Variants in XKR4 observed in about 807,000 individuals in gnomAD.
XKR4 encodes the protein XK related 4.
In XKR4, 12 loss-of-function variants were observed where a neutral mutation model predicts 53.9. That is an observed-to-expected ratio of 0.22 (90% CI 0.14 to 0.36). The LOEUF (loss-of-function observed/expected upper bound fraction) is 0.36. XKR4 is among the 10% of genes least tolerant of loss of function. The probability of loss-of-function intolerance (pLI) is 1.00; values close to 1 mark genes in which losing one functional copy is unlikely to be tolerated. For missense variants in XKR4, 799 were observed against 859.5 expected, an observed-to-expected ratio of 0.93 and a Z score of 0.88; for synonymous variants, 354 against 362.4, an observed-to-expected ratio of 0.98 and a Z score of 0.26.
At chr8:55,456,113 GA>G (rs1367615860) in intron 2 of XKR4, among the ~76,000 whole-genome samples, 2 of 152,022 alleles carry the variant, frequency 1.3e-5, no homozygotes, top group East Asian at 1.9e-4. Flanking sequence ...CCATACTCAG[GA>G]AAAAAAGGAA....
chr8:55,165,382 G>T (rs376168963), intron 1 of XKR4, among the ~76,000 whole-genome samples: 3 of 151,728 alleles, frequency 2.0e-5, no homozygotes, highest in Non-Finnish European at 2.9e-5. Context: ...AATTTTCTCG[G>T]TGTTATAAAA....
intron 2 of XKR4, among the ~76,000 whole-genome samples, chr8:55,522,746 G>T (rs960113501): frequency 6.6e-6 from 1 of 152,116 alleles, no homozygotes; most frequent in South Asian, 2.1e-4. Flanking sequence ...TCCGGTCCAT[G>T]GTTATTTTCC....
In XKR4 at chr8:55,420,346, T is replaced by C. The variant is rs539822917; in HGVS notation, c.1006+62469T>C. Among the ~76,000 whole-genome samples, 7 of 152,254 alleles carry C rather than the reference T, an allele frequency of 4.6e-5. 1 individual carries two copies. The East Asian group carries it at 1.3e-3, about 29-fold the overall frequency. ...AAAGACACATGCACACGTATGTTTA[T>C]TGTGGCATTATTCACAATAGCAAAG... On this transcript the variant is annotated intron_variant, in intron 2 of 2. Coordinates refer to ENST00000327381, the MANE Select transcript of XKR4 (RefSeq NM_052898.2).
chr8:55,112,472 T>C (rs924381491), intron 1 of XKR4, among the ~76,000 whole-genome samples: 1 of 151,282 alleles, frequency 6.6e-6, no homozygotes, highest in Non-Finnish European at 1.5e-5. Flanking sequence ...ATTTCATCCA[T>C]GTGAAAGCAG....
intron 2 of XKR4, among the ~76,000 whole-genome samples, chr8:55,458,965 C>T (rs561076206): frequency 6.6e-6 from 1 of 152,170 alleles, no homozygotes; most frequent in East Asian, 1.9e-4. Flanking sequence ...TCACCAGCGA[C>T]CCCACCCTTT....
At chr8:55,410,578 C>T (rs905741624) in intron 2 of XKR4, among the ~76,000 whole-genome samples, 8 of 152,132 alleles carry the variant, frequency 5.3e-5, no homozygotes, top group African/African-American at 1.4e-4. Flanking sequence ...TCACATTCAT[C>T]CCCCTGTACA....
At chr8:55,476,299 T>C (rs903045025) in intron 2 of XKR4, among the ~76,000 whole-genome samples, 1 of 152,030 alleles carries the variant, frequency 6.6e-6, no homozygotes, top group Non-Finnish European at 1.5e-5. Flanking sequence ...CGCCTGACTG[T>C]CTTTAGGAAG....
chr8:55,277,056 G>A (rs1261762035), intron 1 of XKR4, among the ~76,000 whole-genome samples: 10 of 152,202 alleles, frequency 6.6e-5, no homozygotes. Flanking sequence ...GGAGAAGAGA[G>A]TTAAAAGCCA....
At chr8:55,494,706 A>G (rs1204510949) in intron 2 of XKR4, among the ~76,000 whole-genome samples, 2 of 152,106 alleles carry the variant, frequency 1.3e-5, no homozygotes, top group Non-Finnish European at 2.9e-5. Flanking sequence ...GCTCCTCTCT[A>G]TAGCTGGTTG....
intron 1 of XKR4, among the ~76,000 whole-genome samples, chr8:55,203,375 T>C (rs1321882258): frequency 6.6e-6 from 1 of 152,076 alleles, no homozygotes; most frequent in Non-Finnish European, 1.5e-5. Flanking sequence ...TGAATAAGAG[T>C]TGGCTTTATT....
Position 55,102,339 on chromosome 8 carries a change from G to C in XKR4, c.-150G>C. Reference sequence around the variant, plus strand: ...AGCCCGGCGGGCGGCGGGCGGCGGCGGACGGCAGGCGAGCCGACGCAGGAG... The same window carrying C: ...AGCCCGGCGGGCGGCGGGCGGCGGCCGACGGCAGGCGAGCCGACGCAGGAG... On this transcript the variant is annotated 5_prime_UTR_variant, in exon 1 of 3. Coordinates refer to ENST00000327381, the MANE Select transcript of XKR4 (RefSeq NM_052898.2). This position sits in a 1 kb window ranked among gnomAD's most constrained non-coding sequence, Gnocchi z 5.1. 9.5e-7 allele frequency: 1 copy of C among 1,057,308 alleles called. No individual in the cohort carries two copies. Among genetic ancestry groups the C allele is most frequent in the Non-Finnish European group, 1.2e-6 (1 of 861,536 alleles). The allele number at this position is 1,057,308 out of a possible 1,614,324, so 65.5% of individuals were successfully genotyped here. A position where few individuals can be genotyped will look rare whatever the true frequency, so the allele number is the denominator to read the frequency against.
intron 2 of XKR4, among the ~76,000 whole-genome samples, chr8:55,505,012 T>A (rs1806502316): frequency 6.6e-6 from 1 of 152,094 alleles, no homozygotes; most frequent in Non-Finnish European, 1.5e-5. Context: ...CTTTTGGTTT[T>A]CTTGATTTTC....
rs760573261 is a variant in XKR4, at chr8:55,103,304, T to C, written c.806+10T>C. 2 of 1,583,544 alleles carry C rather than the reference T, an allele frequency of 1.3e-6. No homozygotes were observed. The highest frequency in any genetic ancestry group is 2.3e-5 in the East Asian group (1 of 44,378). ...TCGGGCAAATCTGGAGGTACTGTAATGGGTGGGGGAAAAGGGAGGCTTGCT... is the reference window on the plus strand; with the variant it reads ...TCGGGCAAATCTGGAGGTACTGTAACGGGTGGGGGAAAAGGGAGGCTTGCT... On this transcript the variant is annotated intron_variant, in intron 1 of 2. Transcript: ENST00000327381.
At chr8:55,136,525 A>T (rs1035064680) in intron 1 of XKR4, among the ~76,000 whole-genome samples, 2 of 152,244 alleles carry the variant, frequency 1.3e-5, no homozygotes, top group Non-Finnish European at 2.9e-5. Context: ...TGAATATAAT[A>T]TCAACGCTCC....
chr8:55,356,476 C>T (rs1258659401), intron 1 of XKR4, among the ~76,000 whole-genome samples: 1 of 152,114 alleles, frequency 6.6e-6, no homozygotes, highest in Non-Finnish European at 1.5e-5. Flanking sequence ...ACTTAAGATA[C>T]ATATCAAATA....
chr8:55,326,590 C>T (rs548795332), intron 1 of XKR4, among the ~76,000 whole-genome samples: 23 of 150,948 alleles, frequency 1.5e-4, no homozygotes, highest in African/African-American at 5.4e-4. Context: ...CCCACCTCAG[C>T]CTCCTGAGTA....
chr8:55,232,978 T>G (rs1438222906), intron 1 of XKR4, among the ~76,000 whole-genome samples: 1 of 152,216 alleles, frequency 6.6e-6, no homozygotes, highest in Non-Finnish European at 1.5e-5. Flanking sequence ...TCTATGTATT[T>G]GCTGCCCACT....
At chr8:55,114,781 G>A (rs1816282852) in intron 1 of XKR4, among the ~76,000 whole-genome samples, 2 of 152,206 alleles carry the variant, frequency 1.3e-5, no homozygotes, top group African/African-American at 4.8e-5. Context: ...CAACTCATCT[G>A]CTAAACCACT....
chr8:55,488,158 A>G (rs892896470), intron 2 of XKR4, among the ~76,000 whole-genome samples: 2 of 152,214 alleles, frequency 1.3e-5, no homozygotes, highest in African/African-American at 2.4e-5. Context: ...ACGGACAATG[A>G]GTTACTCCTA....
Sources: allele counts gnomAD v4.1 joint callset (sites outside exome capture counted in the v4.1 genomes callset), GRCh38; gene constraint gnomAD v4.1.1; non-coding constraint Gnocchi (gnomAD v3.1); transcripts MANE v1.5; gene names NCBI Gene and HGNC (gene_info 2026-07-23, HGNC 2026-07-21).